Variants in MINDY4 observed in about 807,000 individuals in gnomAD.
MINDY4 encodes the protein probable ubiquitin carboxyl-terminal hydrolase MINDY-4.
MINDY4 carries 68 observed loss-of-function variants against 87.0 expected under a neutral mutation model. The observed-to-expected ratio is 0.78, with a 90% CI of 0.64 to 0.96. The LOEUF (loss-of-function observed/expected upper bound fraction) is 0.96, where lower values mean the gene tolerates loss of function less well. Among genes scored for constraint, MINDY4 ranks in the 40% least tolerant of loss-of-function variants. The probability of loss-of-function intolerance (pLI) is 0.00; values close to 1 mark genes in which losing one functional copy is unlikely to be tolerated. For synonymous variants in MINDY4, 379 were observed against 363.2 expected (o/e 1.04, Z -0.50); for missense variants, 919 against 928.2 (o/e 0.99, Z 0.13).
At chr7:30,850,912 C>G (rs1485709812) in intron 10 of MINDY4, among the ~76,000 whole-genome samples, 1 of 152,184 alleles carries the variant, frequency 6.6e-6, no homozygotes, top group African/African-American at 2.4e-5. Context: ...CAGGAAATAG[C>G]CCCTCAGGTT....
At chr7:30,801,963 C>G (rs1353137226) in intron 5 of MINDY4, among the ~76,000 whole-genome samples, 1 of 152,196 alleles carries the variant, frequency 6.6e-6, no homozygotes, top group Non-Finnish European at 1.5e-5. Flanking sequence ...CAGCTCCATC[C>G]TAGGTTCTGA....
intron 1 of MINDY4, among the ~76,000 whole-genome samples, chr7:30,777,014 C>CT (rs200146980): frequency 0.072 from 9,310 of 128,910 alleles, 394 homozygotes; most frequent in East Asian, 0.22. Context: ...TTTTCTTTTT[C>CT]TTTTTTTTTT....
chr7:30,854,154 G>A (rs1789501546), intron 12 of MINDY4, among the ~76,000 whole-genome samples: 1 of 152,190 alleles, frequency 6.6e-6, no homozygotes, highest in South Asian at 2.1e-4. Context: ...ACGGTCTCTG[G>A]AGCCAGTTGG....
chr7:30,841,216 C>T (rs1358906465), intron 9 of MINDY4, among the ~76,000 whole-genome samples: 1 of 152,246 alleles, frequency 6.6e-6, no homozygotes. Context: ...CACGCTATCT[C>T]CCCTCTGCCA....
chr7:30,859,382 T>C, intron 13 of MINDY4, 58 bp downstream of exon 13: 4 of 1,508,900 alleles, frequency 2.7e-6, no homozygotes, highest in Admixed American at 1.7e-5. Context: ...TGTTCACTGC[T>C]GCCTCGCTAG....
At chr7:30,826,247 T>C (rs986033552) in intron 5 of MINDY4, among the ~76,000 whole-genome samples, 3 of 152,240 alleles carry the variant, frequency 2.0e-5, no homozygotes, top group Non-Finnish European at 4.4e-5. Context: ...AGGGCCGTTA[T>C]TCAGCCTATG....
chr7:30,819,997 G>C (rs1036114173), intron 5 of MINDY4, among the ~76,000 whole-genome samples: 13 of 145,954 alleles, frequency 8.9e-5, no homozygotes, highest in Admixed American at 6.1e-4. Context: ...CGCCTCCTGG[G>C]TTCACGCCAT....
At chr7:30,878,692 C>T (rs376413412) in intron 15 of MINDY4, among the ~76,000 whole-genome samples, 29 of 152,174 alleles carry the variant, frequency 1.9e-4, no homozygotes, top group Non-Finnish European at 2.1e-4. Context: ...TCATGACCTG[C>T]GAGGCATGTT....
chr7:30,838,416 T>C (rs1329637640), intron 7 of MINDY4, among the ~76,000 whole-genome samples: 1 of 152,124 alleles, frequency 6.6e-6, no homozygotes, highest in East Asian at 1.9e-4. Flanking sequence ...CAGAGGAGGT[T>C]CTTACGCATG....
At chr7:30,848,743 C>G (rs1477662086) in intron 9 of MINDY4, among the ~76,000 whole-genome samples, 2 of 152,178 alleles carry the variant, frequency 1.3e-5, no homozygotes, top group Admixed American at 6.5e-5. Flanking sequence ...AAAGAAGTGT[C>G]AGGCAGTAGC....
chr7:30,783,443 A>G (rs6462224), intron 3 of MINDY4, among the ~76,000 whole-genome samples: 57,331 of 151,958 alleles, frequency 0.38, 11,217 homozygotes, highest in African/African-American at 0.47. Context: ...TTAACCAAAA[A>G]TGGGTTAACC....
chr7:30,809,011 A>C, intron 5 of MINDY4, among the ~76,000 whole-genome samples: 1 of 152,092 alleles, frequency 6.6e-6, no homozygotes, highest in Middle Eastern at 3.2e-3. Context: ...AAAGAGACAG[A>C]AAATCAAAGA....
intron 9 of MINDY4, among the ~76,000 whole-genome samples, chr7:30,849,340 T>G (rs1789324426): frequency 6.6e-6 from 1 of 152,184 alleles, no homozygotes; most frequent in Non-Finnish European, 1.5e-5. Flanking sequence ...CTTTTGTTTG[T>G]TAGGGAGAGA....
intron 12 of MINDY4, among the ~76,000 whole-genome samples, chr7:30,853,979 C>T (rs1395621781): frequency 6.6e-6 from 1 of 152,114 alleles, no homozygotes; most frequent in Non-Finnish European, 1.5e-5. Context: ...CTCTGGAGCC[C>T]CCCCGCCTGC....
chr7:30,803,751 G>A (rs1787728343), intron 5 of MINDY4, among the ~76,000 whole-genome samples: 1 of 152,224 alleles, frequency 6.6e-6, no homozygotes, highest in Non-Finnish European at 1.5e-5. Context: ...AAAGACTGAA[G>A]CAGCTCTCTT....
chr7:30,890,145 C>A (rs1393655416), intron 17 of MINDY4, among the ~76,000 whole-genome samples: 1 of 152,252 alleles, frequency 6.6e-6, no homozygotes, highest in Non-Finnish European at 1.5e-5. Context: ...TTGCCCCAAA[C>A]AGTGTAACAT....
At chr7:30,796,672 C>A (rs1197765712) in intron 5 of MINDY4, 5 of 152,130 alleles carry the variant, frequency 3.3e-5, no homozygotes, top group Admixed American at 3.3e-4. Flanking sequence ...AAATGACTCA[C>A]TTGAGCTTTT....
chr7:30,870,343 A>G (rs1352035279), intron 13 of MINDY4, among the ~76,000 whole-genome samples: 1 of 152,206 alleles, frequency 6.6e-6, no homozygotes, highest in Admixed American at 6.5e-5. Context: ...TTCTCTTCAG[A>G]AGATGCTTGT....
chr7:30,818,507 C>T (rs1432559841), intron 5 of MINDY4, among the ~76,000 whole-genome samples: 2 of 152,108 alleles, frequency 1.3e-5, no homozygotes, highest in Non-Finnish European at 2.9e-5. Context: ...TTATTAGCCC[C>T]ATTAGATGAA....
Sources: allele counts gnomAD v4.1 joint callset (sites outside exome capture counted in the v4.1 genomes callset), GRCh38; gene constraint gnomAD v4.1.1; transcripts MANE v1.5; gene names NCBI Gene and HGNC (gene_info 2026-07-23, HGNC 2026-07-21).